Variants in HAX1 observed in about 807,000 individuals in gnomAD.
The protein encoded by HAX1 is HCLS1 associated protein X-1.
A neutral mutation model predicts 31.1 loss-of-function variants in HAX1; 27 were observed. That is an observed-to-expected ratio of 0.87 (90% CI 0.64 to 1.20). The LOEUF is 1.20. HAX1 is among the 50% of genes most tolerant of loss of function. HAX1 has a pLI of 0.00. For synonymous variants in HAX1, 114 were observed against 124.1 expected (o/e 0.92, Z 0.54); for missense variants, 357 against 361.6 (o/e 0.99, Z 0.10).
chr1:154,275,451 C>T lies in HAX1; in HGVS notation c.722C>T (p.Thr241Ile), dbSNP rs775332917. ...GAGGGCCGGACAGAGACTACAGTAA[C>T]CCGACACGAAGCAGATAGCAGTCCT... is the stretch of plus-strand genomic sequence containing the variant. ...DSEGRTETTV[T>I]RHEADSSPRG... is the part of the protein sequence containing the mutation. Residue 241 changes from threonine (T) to isoleucine (I), a missense_variant, in exon 6 of 7, where the codon ACC becomes ATC. By Grantham distance (89) the Thr-to-Ile change is moderately conservative. Transcript: ENST00000328703. 3.7e-6 allele frequency: 6 copies of T among 1,613,994 alleles called. 1 individual carries two copies. In the South Asian group the frequency reaches 6.6e-5, roughly 18 times the overall value.
intron 3 of HAX1, 76 bp downstream of exon 3, chr1:154,274,037 G>GTCT: frequency 7.4e-7 from 1 of 1,356,672 alleles, no homozygotes; most frequent in East Asian, 2.3e-5. Context: ...GCTAGGTGCG[G>GTCT]TGGCTCACGC....
At chr1:154,273,647 G>A in intron 2 of HAX1, 49 bp downstream of exon 2, 1 of 1,605,466 alleles carries the variant, frequency 6.2e-7, no homozygotes, top group Non-Finnish European at 8.5e-7. Context: ...GTGGGTTGGT[G>A]GGTGAAATAA....
intron 2 of HAX1, 73 bp downstream of exon 2, chr1:154,273,671 A>G: frequency 6.3e-7 from 1 of 1,591,684 alleles, no homozygotes; most frequent in Non-Finnish European, 8.6e-7. Flanking sequence ...GCCTGCAGGG[A>G]GTAGCTGGGG....
chr1:154,275,168 G>C lies in HAX1; in HGVS notation c.571G>C (p.Val191Leu). 1 of 1,610,154 alleles carries C rather than the reference G, an allele frequency of 6.2e-7. No homozygotes were observed. Among genetic ancestry groups the C allele is most frequent in the South Asian group, 1.1e-5 (1 of 90,966 alleles). Residue 191 changes from valine (V) to leucine (L), a missense_variant, in exon 5 of 7, where the codon GTT (valine) becomes CTT (leucine). Transcript: ENST00000328703. ...TGCTCTTCCAGATCTTGATTCCCAG[G>C]TTTCCCAGGAGGGTCTTGGCCCGGT... Reference protein sequence around the residue: ...TREDNDLDSQVSQEGLGPVLQ... With the variant: ...TREDNDLDSQLSQEGLGPVLQ...
At position 154,275,452 on chromosome 1, in the gene HAX1, C is replaced by G; in HGVS notation, c.723C>G (p.Thr241=). 1 of 1,614,066 alleles carries G rather than the reference C, an allele frequency of 6.2e-7. No individual in the cohort carries two copies. Among genetic ancestry groups the G allele is most frequent in the Non-Finnish European group, 8.5e-7 (1 of 1,179,966 alleles). The change falls in exon 6 of 7, where the codon ACC becomes ACG. Residue 241 remains threonine, a synonymous_variant. Transcript: ENST00000328703. ...AGGGCCGGACAGAGACTACAGTAAC[C>G]CGACACGAAGCAGATAGCAGTCCTA... ...DSEGRTETTV[T]RHEADSSPRG...
chr1:154,275,080 TCTTCCTGTACA>T, intron 4 of HAX1, 63 bp from the exon 5 acceptor site: 1 of 1,448,982 alleles, frequency 6.9e-7, no homozygotes, highest in Non-Finnish European at 9.7e-7. Context: ...CCCTGAAGTT[TCTTCCTGTACA>T]CTTGTCTCCT....
rs1227007289 is a variant in HAX1, at chr1:154,275,660, A to G, written c.799A>G (p.Ile267Val). The change falls in exon 7 of 7, where the codon ATC becomes GTC. Residue 267 changes from isoleucine to valine, a missense_variant. Physicochemically the swap from Ile to Val is conservative, Grantham distance 29 (BLOSUM62 3). Coordinates refer to ENST00000328703, the MANE Select transcript of HAX1 (RefSeq NM_006118.4). Reference protein sequence around the residue: ...RPPALDDAFSILDLFLGRWFR... With the variant: ...RPPALDDAFSVLDLFLGRWFR... ...TCCAGCCCTGGATGATGCCTTTTCC[A>G]TCCTGGACTTATTCCTGGGACGTTG... is the stretch of plus-strand genomic sequence containing the variant. 1 of 1,613,930 alleles carries G rather than the reference A, an allele frequency of 6.2e-7. No homozygotes were observed.
chr1:154,275,042 T>C (rs765280240), intron 4 of HAX1, 41 bp downstream of exon 4: 7 of 1,553,274 alleles, frequency 4.5e-6, no homozygotes, highest in East Asian at 2.2e-5. Context: ...CCTTTTGTTA[T>C]TCTTCTGAAG....
intron 3 of HAX1, among the ~76,000 whole-genome samples, chr1:154,274,247 T>C (rs1684887644): frequency 6.6e-6 from 1 of 151,916 alleles, no homozygotes; most frequent in Admixed American, 6.6e-5. Context: ...AGGTGGAGAC[T>C]CCATCTCAAA....
Position 154,275,256 on chromosome 1 carries a change from A to G in HAX1, c.659A>G (p.Asp220Gly). ...SISVTKITKP[D>G]GIVEERRTVV... ...TCTGTGACCAAGATCACTAAACCAG[A>G]TGGGGTGAGTTGAAAGAAAGAGGTA... Residue 220 changes from aspartate to glycine, a missense_variant, in exon 5 of 7, where the codon GAT (aspartate) becomes GGT (glycine). Physicochemically the swap from Asp to Gly is moderately conservative, Grantham distance 94 (BLOSUM62 -1). Coordinates refer to ENST00000328703, the MANE Select transcript of HAX1 (RefSeq NM_006118.4). The G allele has an allele frequency of 1.2e-6, 2 of 1,607,046 alleles. No individual in the cohort carries two copies. The highest frequency in any genetic ancestry group is 8.5e-7 in the Non-Finnish European group (1 of 1,173,554).
intron 3 of HAX1, 100 bp downstream of exon 3, chr1:154,274,061 A>G: frequency 9.0e-7 from 1 of 1,108,766 alleles, no homozygotes; most frequent in Non-Finnish European, 1.4e-6. Flanking sequence ...TAATCCCAGC[A>G]CTTTGGGAGG....
At chr1:154,274,036 G>A (rs780810012) in intron 3 of HAX1, 75 bp downstream of exon 3, 31 of 1,355,080 alleles carry the variant, frequency 2.3e-5, no homozygotes, top group Middle Eastern at 1.8e-4. Flanking sequence ...GGCTAGGTGC[G>A]GTGGCTCACG....
At chr1:154,275,549 C>G in intron 6 of HAX1, 66 bp downstream of exon 6, 1 of 1,573,804 alleles carries the variant, frequency 6.4e-7, no homozygotes, top group Non-Finnish European at 8.7e-7. Flanking sequence ...ACTCTTCTAC[C>G]CTTGTCCTTT....
rs1389861333 is a variant in HAX1 at position 154,273,918 on chromosome 1, C to T, written c.461C>T (p.Pro154Leu). The T allele has an allele frequency of 1.2e-6, 2 of 1,614,010 alleles. No individual in the cohort carries two copies. The highest frequency in any genetic ancestry group is 1.3e-5 in the African/African-American group (1 of 74,900). Reference sequence around the variant, plus strand: ...GAGAGTGATGCAAGAAGTGAATCCCCCCAACCAGCACCAGACTGGGGCTCC... The same window carrying T: ...GAGAGTGATGCAAGAAGTGAATCCCTCCAACCAGCACCAGACTGGGGCTCC... The part of the protein sequence containing the change: ...VLESDARSES[P>L]QPAPDWGSQR... Residue 154 changes from proline (P) to leucine (L), a missense_variant, in exon 3 of 7, where the codon CCC (proline) becomes CTC (leucine). Physicochemically the swap from Pro to Leu is moderately conservative, Grantham distance 98. Coordinates refer to ENST00000328703, the MANE Select transcript of HAX1 (RefSeq NM_006118.4).
In HAX1 at chr1:154,275,138, C is replaced by G; in HGVS notation, c.557-16C>G. 6.4e-7 allele frequency: 1 copy of G among 1,562,302 alleles called. No individual in the cohort carries two copies. The highest frequency in any genetic ancestry group is 8.8e-7 in the Non-Finnish European group (1 of 1,132,572). On this transcript the variant is annotated splice_polypyrimidine_tract_variant and intron_variant, in intron 4 of 6. Transcript: ENST00000328703. Reference sequence around the variant, plus strand: ...GACTCTTTCTCTCCTGCTTCTTCATCTCTCTGCTCTTCCAGATCTTGATTC... The same window carrying G: ...GACTCTTTCTCTCCTGCTTCTTCATGTCTCTGCTCTTCCAGATCTTGATTC...
chr1:154,275,587 C>T (rs1684915942), intron 6 of HAX1, 29 bp from the exon 7 acceptor site: 2 of 1,589,428 alleles, frequency 1.3e-6, no homozygotes, highest in Admixed American at 3.3e-5. Context: ...TTCATTTAGC[C>T]TATTTACGTG....
chr1:154,274,830 TG>T (rs1684897107), intron 3 of HAX1, 119 bp from the exon 4 acceptor site: 18 of 746,076 alleles, frequency 2.4e-5, no homozygotes, highest in South Asian at 2.0e-4. Flanking sequence ...AAGGCTATTC[TG>T]AATGGAATTA....
chr1:154,273,092 G>A lies in HAX1; in HGVS notation c.54-244G>A, dbSNP rs55857358. 9,598 of 588,504 alleles carry A rather than the reference G, an allele frequency of 0.016. 742 individuals carry two copies. In the African/African-American group the frequency reaches 0.16, roughly 10 times the overall value. 36.5% of individuals were successfully genotyped at this position (588,504 alleles called of 1,614,324 possible). A position where few individuals can be genotyped will look rare whatever the true frequency, so the allele number is the denominator to read the frequency against. On this transcript the variant is annotated intron_variant, in intron 1 of 6. Coordinates refer to ENST00000328703, the MANE Select transcript of HAX1 (RefSeq NM_006118.4). ...GAGAGAGGAGGGACTGGGGCACACT[G>A]AAGAAAAACTGGGGGAAGGTGTATG... is the stretch of plus-strand genomic sequence containing the variant.
chr1:154,274,034 G>T lies in HAX1; in HGVS notation c.504+73G>T, dbSNP rs1336170962. 5.0e-6 allele frequency: 7 copies of T among 1,395,668 alleles called. No individual in the cohort carries two copies. The Admixed American group carries it at 1.2e-4, about 23-fold the overall frequency. 86.5% of individuals were successfully genotyped at this position (1,395,668 alleles called of 1,614,324 possible). On this transcript the variant is annotated intron_variant, in intron 3 of 6. Transcript: ENST00000328703. ...AATAAAGTGCAAAGACTGGCTAGGT[G>T]CGGTGGCTCACGCCTGTAATCCCAG... is the stretch of plus-strand genomic sequence containing the variant.
Sources: allele counts gnomAD v4.1 joint callset (sites outside exome capture counted in the v4.1 genomes callset), GRCh38; gene constraint gnomAD v4.1.1; transcripts MANE v1.5; gene names NCBI Gene and HGNC (gene_info 2026-07-23, HGNC 2026-07-21).